The following SCCPDH variants were observed in gnomAD, a reference collection of about 807,000 sequenced individuals.
The protein encoded by SCCPDH is saccharopine dehydrogenase (putative), also known as saccharopine dehydrogenase-like oxidoreductase.
Under a neutral mutation model 51.5 loss-of-function variants are expected in SCCPDH, and 34 were observed. The ratio of observed to expected loss-of-function variants is 0.66; its 90% CI spans 0.50 to 0.88. The LOEUF is 0.88. SCCPDH is among the 40% of genes least tolerant of loss of function. SCCPDH has a pLI of 0.00. For synonymous variants in SCCPDH, 187 were observed against 191.3 expected (o/e 0.98, Z 0.19); for missense variants, 464 against 527.1 (o/e 0.88, Z 1.17).
At chr1:246,739,446 C>T (rs921427220) in intron 3 of SCCPDH, among the ~76,000 whole-genome samples, 6 of 152,246 alleles carry the variant, frequency 3.9e-5, no homozygotes, top group Admixed American at 6.5e-5. Context: ...TGTGAGAAAC[C>T]GTCGCAGCCA....
At chr1:246,728,319 TA>T (rs1668433707) in intron 2 of SCCPDH, among the ~76,000 whole-genome samples, 1 of 152,244 alleles carries the variant, frequency 6.6e-6, no homozygotes, top group Non-Finnish European at 1.5e-5. Flanking sequence ...ATCTCATTCT[TA>T]ACTAGCTTAG....
At chr1:246,735,940 C>A in intron 2 of SCCPDH, 35 bp from the exon 3 acceptor site, 1 of 1,396,574 alleles carries the variant, frequency 7.2e-7, no homozygotes, top group Non-Finnish European at 1.0e-6. Context: ...ACTTGTCAAG[C>A]AAGAATAACC....
chr1:246,764,851 C>G (rs755198095), intron 10 of SCCPDH, among the ~76,000 whole-genome samples: 5 of 152,212 alleles, frequency 3.3e-5, no homozygotes, highest in Non-Finnish European at 5.9e-5. Context: ...TTTTACAGAA[C>G]TATGCAGAGA....
chr1:246,724,696 G>A, intron 1 of SCCPDH, 84 bp downstream of exon 1: 2 of 1,244,862 alleles, frequency 1.6e-6, no homozygotes, highest in Non-Finnish European at 2.1e-6. Context: ...TCTCCCGCAG[G>A]GATGCGCCCT....
intron 7 of SCCPDH, 29 bp from the exon 8 acceptor site, chr1:246,759,928 G>A (rs760398701): frequency 6.3e-7 from 1 of 1,599,556 alleles, no homozygotes; most frequent in South Asian, 1.2e-5. Flanking sequence ...AGGGAGTAAT[G>A]TTCTAACTTT....
rs183189419 is a variant in SCCPDH, at chr1:246,734,709, A to G, written c.304-1266A>G. ...GTGTCCCTTGTTCCTCAAAGGCTGG[A>G]AGAAAGAAACGATTTCCTTGTTCCA... On this transcript the variant is annotated intron_variant, in intron 2 of 11. Coordinates refer to ENST00000366510, the MANE Select transcript of SCCPDH (RefSeq NM_016002.3). 4.1e-3 allele frequency among the ~76,000 whole-genome samples: 627 copies of G among 152,058 alleles called. 4 individuals carry two copies. The highest frequency in any genetic ancestry group is 0.014 in the Middle Eastern group (4 of 294).
chr1:246,766,498 A>C (rs1332963182), intron 11 of SCCPDH, among the ~76,000 whole-genome samples: 1 of 148,678 alleles, frequency 6.7e-6, no homozygotes, highest in Admixed American at 6.8e-5. Flanking sequence ...CCCAGCTGGC[A>C]GTAGTAACCC....
chr1:246,767,361 T>C lies in SCCPDH; in HGVS notation c.*61T>C, dbSNP rs528868482. The stretch of plus-strand genomic sequence containing the variant: ...GAATTAACAGCTTCTCTATTTGATA[T>C]TTGAAATTCTTCTGTAAGCCTGTCT... On this transcript the variant is annotated 3_prime_UTR_variant, in exon 12 of 12. Coordinates refer to ENST00000366510, the MANE Select transcript of SCCPDH (RefSeq NM_016002.3). The C allele has an allele frequency of 6.3e-6, 6 of 949,870 alleles. No homozygotes were observed. Among genetic ancestry groups the C allele is most frequent in the Non-Finnish European group, 9.2e-6 (6 of 654,486 alleles). 58.8% of individuals were successfully genotyped at this position (949,870 alleles called of 1,614,324 possible). A position where few individuals can be genotyped will look rare whatever the true frequency, so the allele number is the denominator to read the frequency against.
chr1:246,742,284 A>G (rs985862480), intron 4 of SCCPDH, among the ~76,000 whole-genome samples: 4 of 152,340 alleles, frequency 2.6e-5, no homozygotes, highest in African/African-American at 9.6e-5. Context: ...TTTCTTCATG[A>G]TAATCCTGTT....
chr1:246,764,195 A>G (rs1340049803), intron 9 of SCCPDH, 51 bp from the exon 10 acceptor site: 9 of 1,097,974 alleles, frequency 8.2e-6, no homozygotes, highest in East Asian at 2.4e-5. Context: ...ACTATGTTCC[A>G]GGAGGAAATG....
intron 2 of SCCPDH, among the ~76,000 whole-genome samples, chr1:246,727,567 T>A (rs1342241895): frequency 1.3e-5 from 2 of 152,136 alleles, no homozygotes. Flanking sequence ...GAAAAGTGCT[T>A]TGAAGAAAAG....
intron 2 of SCCPDH, among the ~76,000 whole-genome samples, chr1:246,735,107 A>G (rs1668546849): frequency 1.3e-5 from 2 of 152,182 alleles, no homozygotes; most frequent in Admixed American, 6.5e-5. Context: ...CATCTTTAGT[A>G]TATCGTCTGT....
At chr1:246,739,285 T>C (rs12129386) in intron 3 of SCCPDH, among the ~76,000 whole-genome samples, 25,307 of 152,108 alleles carry the variant, frequency 0.17, 3,303 homozygotes, top group African/African-American at 0.36. Flanking sequence ...TGATATGATA[T>C]GATAAGAATA....
intron 5 of SCCPDH, among the ~76,000 whole-genome samples, chr1:246,750,561 G>T (rs749708282): frequency 2.6e-4 from 39 of 152,134 alleles, no homozygotes; most frequent in Non-Finnish European, 5.1e-4. Context: ...GGGTGCCAGG[G>T]AGTATGATAT....
chr1:246,739,864 T>C (rs536437096), intron 3 of SCCPDH, among the ~76,000 whole-genome samples: 1 of 152,204 alleles, frequency 6.6e-6, no homozygotes, highest in African/African-American at 2.4e-5. Flanking sequence ...TGGGGTCATT[T>C]TTTTTTTGCT....
At position 246,735,826 on chromosome 1, in the gene SCCPDH, C is replaced by T. The variant is rs765150256; in HGVS notation, c.304-149C>T. 16 of 553,426 alleles carry T rather than the reference C, an allele frequency of 2.9e-5. No individual in the cohort carries two copies. The Admixed American group carries it at 4.0e-4, about 14-fold the overall frequency. 34.3% of individuals were successfully genotyped at this position (553,426 alleles called of 1,614,324 possible). On this transcript the variant is annotated intron_variant, in intron 2 of 11. Coordinates refer to ENST00000366510, the MANE Select transcript of SCCPDH (RefSeq NM_016002.3). ...GGATTACAGGTGTGAGCCACTGTGC[C>T]TGGCCACTTTCTGAATTTATCTTTA...
chr1:246,726,653 AT>A (rs901831679), intron 1 of SCCPDH, among the ~76,000 whole-genome samples: 18 of 152,088 alleles, frequency 1.2e-4, no homozygotes, highest in African/African-American at 2.2e-4. Flanking sequence ...CTTTGATTCG[AT>A]TTTTTTTAAA....
At chr1:246,731,573 G>C (rs1213865788) in intron 2 of SCCPDH, among the ~76,000 whole-genome samples, 3 of 152,236 alleles carry the variant, frequency 2.0e-5, no homozygotes, top group African/African-American at 7.2e-5. Flanking sequence ...TGGGTGTGAA[G>C]AAGCAGCATG....
At chr1:246,764,223 G>A (rs758259578) in intron 9 of SCCPDH, 23 bp from the exon 10 acceptor site, 11 of 1,456,942 alleles carry the variant, frequency 7.6e-6, no homozygotes, top group Non-Finnish European at 1.1e-5. Flanking sequence ...TATGAAATGC[G>A]CCCTTTGCCT....
Sources: allele counts gnomAD v4.1 joint callset (sites outside exome capture counted in the v4.1 genomes callset), GRCh38; gene constraint gnomAD v4.1.1; transcripts MANE v1.5; gene names NCBI Gene and HGNC (gene_info 2026-07-23, HGNC 2026-07-21).